COG7: variants seen among roughly 807,000 people sequenced by gnomAD.
COG7 encodes the protein conserved oligomeric Golgi complex subunit 7.
In COG7, 49 loss-of-function variants were observed where a neutral mutation model predicts 91.5. The observed-to-expected ratio is 0.54, with a 90% CI of 0.43 to 0.68. COG7 has a LOEUF of 0.68. COG7 is among the 30% of genes least tolerant of loss of function. The pLI, the probability that COG7 is intolerant of heterozygous loss-of-function variation, is 0.00. For synonymous variants in COG7, 365 were observed against 388.7 expected (o/e 0.94, Z 0.72); for missense variants, 895 against 961.3 (o/e 0.93, Z 0.91).
intron 3 of COG7, among the ~76,000 whole-genome samples, chr16:23,443,370 A>C (rs887663752): frequency 3.3e-5 from 5 of 152,026 alleles, no homozygotes; most frequent in African/African-American, 1.2e-4. Context: ...ATATAGCAAG[A>C]CCTTGTCTTT....
chr16:23,447,583 C>T (rs1841143397), intron 1 of COG7, among the ~76,000 whole-genome samples: 1 of 151,664 alleles, frequency 6.6e-6, no homozygotes, highest in Non-Finnish European at 1.5e-5. Flanking sequence ...GAGCAAGACC[C>T]TGTTTCTTAA....
intron 6 of COG7, among the ~76,000 whole-genome samples, chr16:23,432,526 A>T (rs1963950712): frequency 6.6e-6 from 1 of 152,116 alleles, no homozygotes; most frequent in South Asian, 2.1e-4. Context: ...AATAAGAAAA[A>T]AATAAATAAA....
At position 23,388,951 on chromosome 16, in the gene COG7, G is replaced by A. The variant is rs200868058; in HGVS notation, c.2282C>T (p.Thr761Ile). ...SKGLPRRLAT[T>I]VATMRSVNY ...ATTCACACTCCGCATGGTGGCCACG[G>A]TGGTGGCCAGGCGACGGGGCAGGCC... The change falls in exon 17 of 17, where the codon ACC becomes ATC. Residue 761 changes from threonine (T) to isoleucine (I), a missense_variant. Physicochemically the swap from Thr to Ile is moderately conservative, Grantham distance 89 (BLOSUM62 -1). Transcript: ENST00000307149. 60 of 1,614,172 alleles carry A rather than the reference G, an allele frequency of 3.7e-5. No homozygotes were observed. Among genetic ancestry groups the A allele is most frequent in the Middle Eastern group, 1.6e-4 (1 of 6,062 alleles).
At chr16:23,395,413 T>C (rs1596907658) in intron 14 of COG7, among the ~76,000 whole-genome samples, 1 of 152,356 alleles carries the variant, frequency 6.6e-6, no homozygotes, top group Non-Finnish European at 1.5e-5. Flanking sequence ...TTGGTATACC[T>C]TTCATCTGTA....
chr16:23,451,513 A>G (rs1402218070), intron 1 of COG7, among the ~76,000 whole-genome samples: 2 of 152,106 alleles, frequency 1.3e-5, no homozygotes, highest in Non-Finnish European at 2.9e-5. Flanking sequence ...CAGAAATTTG[A>G]GATCAACCTG....
chr16:23,402,790 C>T (rs577373695), intron 13 of COG7, among the ~76,000 whole-genome samples: 3 of 152,304 alleles, frequency 2.0e-5, no homozygotes, highest in East Asian at 1.9e-4. Flanking sequence ...AGGAACCTCA[C>T]GATCATGTCG....
At chr16:23,412,189 A>G (rs543883899) in intron 10 of COG7, among the ~76,000 whole-genome samples, 2 of 152,192 alleles carry the variant, frequency 1.3e-5, no homozygotes, top group African/African-American at 4.8e-5. Context: ...CCTGCTTTTC[A>G]TCTGTTGTAT....
At chr16:23,419,964 C>A (rs553150918) in intron 7 of COG7, among the ~76,000 whole-genome samples, 112 of 151,682 alleles carry the variant, frequency 7.4e-4, no homozygotes, top group African/African-American at 2.6e-3. Flanking sequence ...ACTGTGAAAC[C>A]CCATCTCTAC....
chr16:23,400,905 G>A (rs1244459823), intron 13 of COG7, among the ~76,000 whole-genome samples: 6 of 151,554 alleles, frequency 4.0e-5, no homozygotes, highest in Non-Finnish European at 7.4e-5. Context: ...AGGAGGCGGA[G>A]GTTGCAGTGA....
Position 23,388,896 on chromosome 16 carries a change from T to C in COG7, c.*24A>G. ...TCGCGAAACAGCAGCCCTGGCTCTC[T>C]TGGTGGTCCGGTGTGTGGTGGGGTC... is the stretch of plus-strand genomic sequence containing the variant. On this transcript the variant is annotated 3_prime_UTR_variant, in exon 17 of 17. Coordinates refer to ENST00000307149, the MANE Select transcript of COG7 (RefSeq NM_153603.4). The C allele has an allele frequency of 6.2e-7, 1 of 1,613,982 alleles. No homozygotes were observed. Among genetic ancestry groups the C allele is most frequent in the African/African-American group, 1.3e-5 (1 of 75,022 alleles).
chr16:23,417,633 C>G (rs895510553), intron 8 of COG7, among the ~76,000 whole-genome samples: 1 of 151,986 alleles, frequency 6.6e-6, no homozygotes, highest in Non-Finnish European at 1.5e-5. Context: ...GTGACATGCA[C>G]CTGTAGTCCC....
chr16:23,439,437 A>C (rs1209310002), intron 4 of COG7, among the ~76,000 whole-genome samples: 1 of 152,220 alleles, frequency 6.6e-6, no homozygotes, highest in African/African-American at 2.4e-5. Context: ...CATTCTTCAC[A>C]ATAGCCAAAA....
chr16:23,423,404 T>G (rs1409896419), intron 7 of COG7, among the ~76,000 whole-genome samples: 1 of 152,026 alleles, frequency 6.6e-6, no homozygotes, highest in Non-Finnish European at 1.5e-5. Context: ...GTCTCAAGGG[T>G]GGTTCTCTTC....
At chr16:23,393,476 C>A (rs1963234375) in intron 14 of COG7, 129 bp from the exon 15 acceptor site, 1 of 715,062 alleles carries the variant, frequency 1.4e-6, no homozygotes, top group Non-Finnish European at 2.6e-6. Context: ...CAAGTCTGAT[C>A]TTTCTAGTAT....
chr16:23,434,582 C>T, intron 5 of COG7, 54 bp downstream of exon 5: 1 of 1,294,874 alleles, frequency 7.7e-7, no homozygotes, highest in Non-Finnish European at 1.1e-6. Context: ...TTCTGTGACC[C>T]AGAGTTATGA....
intron 13 of COG7, among the ~76,000 whole-genome samples, chr16:23,403,403 C>T (rs779482967): frequency 3.9e-5 from 6 of 152,254 alleles, no homozygotes; most frequent in Non-Finnish European, 7.3e-5. Context: ...ACCTACGAAG[C>T]TGCACATAAT....
rs760145538 is a variant in COG7, at chr16:23,434,708, T to C, written c.615A>G (p.Lys205=). The C allele has an allele frequency of 6.2e-7, 1 of 1,611,506 alleles. No homozygotes were observed. Among genetic ancestry groups the C allele is most frequent in the Admixed American group, 1.7e-5 (1 of 60,002 alleles). ...TTTCAGTAAACACCTTCACAAACACTTTGGACTGATCTAAAGAACATACAA... is the reference window on the plus strand; with the variant it reads ...TTTCAGTAAACACCTTCACAAACACCTTGGACTGATCTAAAGAACATACAA... ...AFTSQAVDQS[K]VFVKVFTEID... is the part of the protein sequence containing the mutation. Residue 205 remains lysine (K), a synonymous_variant, in exon 5 of 17, where the codon AAA becomes AAG. Coordinates refer to ENST00000307149, the MANE Select transcript of COG7 (RefSeq NM_153603.4).
chr16:23,437,824 C>T (rs539187056), intron 4 of COG7, among the ~76,000 whole-genome samples: 68 of 152,302 alleles, frequency 4.5e-4, no homozygotes, highest in African/African-American at 1.5e-3. Flanking sequence ...CAGTGGCTCA[C>T]GCCTGTAATC....
intron 3 of COG7, among the ~76,000 whole-genome samples, chr16:23,443,076 A>T (rs1272484192): frequency 1.3e-5 from 2 of 152,156 alleles, no homozygotes; most frequent in East Asian, 3.9e-4. Flanking sequence ...ATGCAAATTA[A>T]ATTAAAACAA....
Sources: allele counts gnomAD v4.1 joint callset (sites outside exome capture counted in the v4.1 genomes callset), GRCh38; gene constraint gnomAD v4.1.1; transcripts MANE v1.5; gene names NCBI Gene and HGNC (gene_info 2026-07-23, HGNC 2026-07-21).